The following PTPRE variants were observed in gnomAD, a reference collection of about 807,000 sequenced individuals.
PTPRE encodes protein tyrosine phosphatase receptor type E.
A neutral mutation model predicts 102.0 loss-of-function variants in PTPRE; 51 were observed. The observed-to-expected ratio is 0.50, with a 90% confidence interval of 0.40 to 0.63. The LOEUF (loss-of-function observed/expected upper bound fraction) is 0.63. PTPRE is among the 30% of genes least tolerant of loss of function. The probability of loss-of-function intolerance (pLI) is 0.00; values close to 1 mark genes in which losing one functional copy is unlikely to be tolerated. For missense variants in PTPRE, 752 were observed against 915.1 expected (o/e 0.82, Z 2.30); for synonymous variants, 345 against 348.2 (o/e 0.99, Z 0.10).
Position 128,083,112 on chromosome 10 carries a change from C to A in PTPRE, c.*206C>A. ...ATAATGTATTAAGGTCAAATAATATCCCATAAAATATATATTTCTGCTAAT... is the reference window on the plus strand; with the variant it reads ...ATAATGTATTAAGGTCAAATAATATACCATAAAATATATATTTCTGCTAAT... On this transcript the variant is annotated 3_prime_UTR_variant, in exon 21 of 21. Coordinates refer to ENST00000254667, the MANE Select transcript of PTPRE (RefSeq NM_006504.6). 1 of 351,580 alleles carries A rather than the reference C, an allele frequency of 2.8e-6. No individual in the cohort carries two copies. The allele number at this position is 351,580 out of a possible 1,614,324, so 21.8% of individuals were successfully genotyped here.
chr10:127,910,039 G>C (rs1375713065), intron 1 of PTPRE, among the ~76,000 whole-genome samples: 1 of 152,172 alleles, frequency 6.6e-6, no homozygotes, highest in Non-Finnish European at 1.5e-5. Flanking sequence ...GTATTCCCTT[G>C]CTAGACAAGT....
intron 17 of PTPRE, among the ~76,000 whole-genome samples, chr10:128,074,769 G>A (rs1482649563): frequency 1.3e-5 from 2 of 152,120 alleles, no homozygotes; most frequent in African/African-American, 2.4e-5. Flanking sequence ...TATACTAGGA[G>A]CGGAATTGCT....
chr10:128,026,301 C>T (rs1846285577), intron 2 of PTPRE, among the ~76,000 whole-genome samples: 1 of 152,258 alleles, frequency 6.6e-6, no homozygotes, highest in Non-Finnish European at 1.5e-5. Flanking sequence ...GTCTGGGCTA[C>T]TGTCAGGGGA....
At position 128,000,826 on chromosome 10, in the gene PTPRE, A is replaced by C. The variant is rs189104014; in HGVS notation, c.-8+18530A>C. On this transcript the variant is annotated intron_variant, in intron 2 of 20. Transcript: ENST00000254667. ...TCGTCCCTGGCACTGTAAGAATTCC[A>C]CCAAGCCTCACTCACTTGGGCAACT... is the stretch of plus-strand genomic sequence containing the variant. Among the ~76,000 whole-genome samples, 175 of 152,280 alleles carry C rather than the reference A, an allele frequency of 1.1e-3. 4 individuals carry two copies. In the East Asian group the frequency reaches 0.028, roughly 25 times the overall value.
rs533201105 is a variant in PTPRE, at chr10:127,962,774, A to C, written c.-30-19500A>C. ...AGTGTCATTGGCAGTTAGTGGGCAG[A>C]GGCCGGGGATGCAGCGGAACAGCCT... On this transcript the variant is annotated intron_variant, in intron 1 of 20. Coordinates refer to ENST00000254667, the MANE Select transcript of PTPRE (RefSeq NM_006504.6). 3.0e-4 allele frequency among the ~76,000 whole-genome samples: 46 copies of C among 152,342 alleles called. 1 individual carries two copies. In the South Asian group the frequency reaches 8.9e-3, roughly 29 times the overall value.
chr10:127,932,943 A>C lies in PTPRE; in HGVS notation c.-31+25634A>C, dbSNP rs563775723. Reference sequence around the variant, plus strand: ...GGCTGGGGGAGGTCCTCAGAGCTAGAGGCTGTCCCGATGCTTTAGCGGGTG... The same window carrying C: ...GGCTGGGGGAGGTCCTCAGAGCTAGCGGCTGTCCCGATGCTTTAGCGGGTG... On this transcript the variant is annotated intron_variant, in intron 1 of 20. Coordinates refer to ENST00000254667, the MANE Select transcript of PTPRE (RefSeq NM_006504.6). 5.9e-5 allele frequency among the ~76,000 whole-genome samples: 9 copies of C among 152,316 alleles called. No individual in the cohort carries two copies. The East Asian group carries it at 1.7e-3, about 29-fold the overall frequency.
intron 10 of PTPRE, 81 bp from the exon 11 acceptor site, chr10:128,065,994 G>A: frequency 6.3e-7 from 1 of 1,594,444 alleles, no homozygotes; most frequent in Non-Finnish European, 8.6e-7. Context: ...TGTGTGTGAG[G>A]CCTTCTGTAG....
At position 128,085,213 on chromosome 10, in the gene PTPRE, G is replaced by C. The variant is rs1242496532; in HGVS notation, c.*2307G>C. 2.4e-6 allele frequency: 1 copy of C among 414,844 alleles called. No individual in the cohort carries two copies. Among genetic ancestry groups the C allele is most frequent in the Non-Finnish European group, 4.9e-6 (1 of 203,794 alleles). The allele number at this position is 414,844 out of a possible 1,614,324, so 25.7% of individuals were successfully genotyped here. On this transcript the variant is annotated 3_prime_UTR_variant, in exon 21 of 21. Coordinates refer to ENST00000254667, the MANE Select transcript of PTPRE (RefSeq NM_006504.6). ...CAGATCACAGGATCTCCTGGGCCTT[G>C]GAGCACCTCACGCTGGGGGAATCAA...
Position 128,040,865 on chromosome 10 carries a change from C to A in PTPRE, c.-7-10C>A, listed in dbSNP as rs1168892760. ...GGATGACCTCTGAGCCTGTCCCTGC[C>A]TCTCTGCAGGTCCACCATGGAGCCC... On this transcript the variant is annotated splice_polypyrimidine_tract_variant and intron_variant, in intron 2 of 20. Transcript: ENST00000254667. The A allele has an allele frequency of 9.3e-6, 15 of 1,609,902 alleles. No individual in the cohort carries two copies. The highest frequency in any genetic ancestry group is 1.2e-5 in the Non-Finnish European group (14 of 1,176,290).
intron 7 of PTPRE, among the ~76,000 whole-genome samples, chr10:128,060,264 TAC>T (rs1050299604): frequency 1.4e-5 from 2 of 146,968 alleles, no homozygotes; most frequent in Non-Finnish European, 3.0e-5. Context: ...ACACACACAA[TAC>T]ACACACACCA....
At chr10:127,927,784 A>G (rs1355879663) in intron 1 of PTPRE, among the ~76,000 whole-genome samples, 1 of 152,240 alleles carries the variant, frequency 6.6e-6, no homozygotes, top group African/African-American at 2.4e-5. Context: ...GTTTAGTCGT[A>G]TCAGTGAAAG....
chr10:128,041,509 G>A (rs4421666), intron 3 of PTPRE, among the ~76,000 whole-genome samples: 28,179 of 151,720 alleles, frequency 0.19, 2,735 homozygotes, highest in Middle Eastern at 0.23. Context: ...TTAGCTGGGC[G>A]TGGTGGTGGG....
intron 2 of PTPRE, among the ~76,000 whole-genome samples, chr10:128,040,308 A>G (rs138550808): frequency 5.6e-4 from 86 of 152,310 alleles, no homozygotes; most frequent in Non-Finnish European, 1.2e-3. Context: ...AGCGAAGAAC[A>G]GAGAACTTGG....
intron 5 of PTPRE, 100 bp from the exon 6 acceptor site, chr10:128,049,430 C>T (rs1214143918): frequency 1.5e-5 from 22 of 1,435,966 alleles, no homozygotes; most frequent in Non-Finnish European, 2.0e-5. Flanking sequence ...CCAGCTCCAG[C>T]CTGGTCATTT....
chr10:127,954,582 C>T (rs1181613897), intron 1 of PTPRE, among the ~76,000 whole-genome samples: 3 of 152,166 alleles, frequency 2.0e-5, no homozygotes, highest in African/African-American at 4.8e-5. Context: ...ACTAGTCTTA[C>T]CATGTTCTTC....
intron 1 of PTPRE, among the ~76,000 whole-genome samples, chr10:127,939,816 A>G (rs1848093034): frequency 4.0e-5 from 5 of 126,042 alleles, no homozygotes; most frequent in African/African-American, 1.2e-4. Flanking sequence ...GCAGGAGGAG[A>G]CAGGAAGAAG....
intron 7 of PTPRE, among the ~76,000 whole-genome samples, chr10:128,057,148 C>CA (rs929256489): frequency 6.6e-5 from 10 of 151,460 alleles, no homozygotes; most frequent in Non-Finnish European, 1.3e-4. Flanking sequence ...ACCTGGGAGA[C>CA]AGAGGTTGCC....
chr10:128,054,704 C>T (rs1280655427), intron 6 of PTPRE, among the ~76,000 whole-genome samples: 4 of 151,914 alleles, frequency 2.6e-5, no homozygotes, highest in Non-Finnish European at 5.9e-5. Flanking sequence ...TGAGCTCCAG[C>T]TGGTCAGATC....
chr10:128,060,773 C>T (rs111759787), intron 7 of PTPRE, among the ~76,000 whole-genome samples, 166 bp from the exon 8 acceptor site: 198 of 152,280 alleles, frequency 1.3e-3, no homozygotes, highest in African/African-American at 4.2e-3. Context: ...TCCATGGGAA[C>T]GCTGAGGAAG....
Sources: allele counts gnomAD v4.1 joint callset (sites outside exome capture counted in the v4.1 genomes callset), GRCh38; gene constraint gnomAD v4.1.1; transcripts MANE v1.5; gene names NCBI Gene and HGNC (gene_info 2026-07-23, HGNC 2026-07-21).